PSME4: variants seen among roughly 807,000 people sequenced by gnomAD.
PSME4 encodes proteasome activator subunit 4.
Under a neutral mutation model 253.9 loss-of-function variants are expected in PSME4, and 89 were observed. The ratio of observed to expected loss-of-function variants is 0.35; its 90% CI spans 0.30 to 0.42. The LOEUF (loss-of-function observed/expected upper bound fraction) is 0.42. Ranked by LOEUF, PSME4 falls within the 10% of genes least tolerant of loss-of-function variation. The probability of loss-of-function intolerance (pLI) is 1.00; values close to 1 mark genes in which losing one functional copy is unlikely to be tolerated. For missense variants in PSME4, 2,014 were observed against 2,195.2 expected, an observed-to-expected ratio of 0.92 and a Z score of 1.65; for synonymous variants, 851 against 759.2, an observed-to-expected ratio of 1.12 and a Z score of -1.99.
chr2:53,946,142 A>G (rs1669687900), intron 3 of PSME4, among the ~76,000 whole-genome samples: 1 of 152,234 alleles, frequency 6.6e-6, no homozygotes, highest in African/African-American at 2.4e-5. Context: ...GGAAAGCCAT[A>G]GATACTTATT....
intron 13 of PSME4, 122 bp from the exon 14 acceptor site, chr2:53,925,811 G>C (rs1668532262): frequency 2.4e-6 from 3 of 1,264,496 alleles, no homozygotes; most frequent in Non-Finnish European, 3.4e-6. Flanking sequence ...TTTCTACGTG[G>C]TTCACAAATC....
chr2:53,883,495 G>A (rs1679490911), intron 41 of PSME4, among the ~76,000 whole-genome samples: 1 of 152,146 alleles, frequency 6.6e-6, no homozygotes, highest in Admixed American at 6.6e-5. Context: ...AAGCGGTGGG[G>A]GGGTGCGGGG....
intron 41 of PSME4, among the ~76,000 whole-genome samples, chr2:53,877,382 T>C (rs984749370): frequency 2.0e-5 from 3 of 151,836 alleles, no homozygotes; most frequent in African/African-American, 7.3e-5. Flanking sequence ...CACTGCACTC[T>C]AGCCAGGGTG....
chr2:53,893,491 C>G (rs375350997), intron 35 of PSME4, among the ~76,000 whole-genome samples, 183 bp downstream of exon 35: 1 of 152,128 alleles, frequency 6.6e-6, no homozygotes, highest in Non-Finnish European at 1.5e-5. Flanking sequence ...TATGTCAATA[C>G]TGGTTGTAAT....
At chr2:53,944,959 C>T (rs1309907165) in intron 3 of PSME4, among the ~76,000 whole-genome samples, 1 of 151,900 alleles carries the variant, frequency 6.6e-6, no homozygotes, top group African/African-American at 2.4e-5. Context: ...TAGAACAATA[C>T]ATGTAAAAGA....
At chr2:53,914,943 G>C (rs917567249) in intron 20 of PSME4, among the ~76,000 whole-genome samples, 1 of 152,178 alleles carries the variant, frequency 6.6e-6, no homozygotes, top group Non-Finnish European at 1.5e-5. Flanking sequence ...CATCCCCAAA[G>C]TGGATACCAT....
At chr2:53,946,468 A>G (rs975528754) in intron 3 of PSME4, among the ~76,000 whole-genome samples, 1 of 152,266 alleles carries the variant, frequency 6.6e-6, no homozygotes, top group Non-Finnish European at 1.5e-5. Context: ...TGGTGAAGCC[A>G]GTAAGAAATT....
At position 53,932,943 on chromosome 2, in the gene PSME4, C is replaced by G. The variant is rs1668910416; in HGVS notation, c.958-183G>C. ...CTGATGAACTTCATGCAAACCAACT[C>G]AAAATATTCTACTGCAAATAAGGGC... On this transcript the variant is annotated intron_variant, in intron 8 of 46. Coordinates refer to ENST00000404125, the MANE Select transcript of PSME4 (RefSeq NM_014614.3). The G allele has an allele frequency of 5.5e-6, 3 of 541,186 alleles. No individual in the cohort carries two copies. The East Asian group carries it at 8.6e-5, about 15-fold the overall frequency. The allele number at this position is 541,186 out of a possible 1,614,324, so 33.5% of individuals were successfully genotyped here. A position where few individuals can be genotyped will look rare whatever the true frequency, so the allele number is the denominator to read the frequency against.
intron 1 of PSME4, among the ~76,000 whole-genome samples, chr2:53,965,961 C>T (rs1670715577): frequency 6.6e-6 from 1 of 152,130 alleles, no homozygotes; most frequent in Non-Finnish European, 1.5e-5. Context: ...CGTGAGCCGC[C>T]ACGCCCAGCC....
At chr2:53,967,376 G>C (rs772363736) in intron 1 of PSME4, among the ~76,000 whole-genome samples, 1 of 151,912 alleles carries the variant, frequency 6.6e-6, no homozygotes, top group Non-Finnish European at 1.5e-5. Context: ...AAGAAGGCTG[G>C]GGCGGTGGCT....
chr2:53,923,301 G>A lies in PSME4; in HGVS notation c.1908+20C>T, dbSNP rs190660541. 1.9e-6 allele frequency: 3 copies of A among 1,586,376 alleles called. No individual in the cohort carries two copies. The highest frequency in any genetic ancestry group is 1.2e-5 in the South Asian group (1 of 85,060). The stretch of plus-strand genomic sequence containing the variant: ...TGATTGTTGAGTCATTAATACATCA[G>A]TTCAAAAAAATAAACTCACCTTTAC... On this transcript the variant is annotated intron_variant, in intron 15 of 46. Coordinates refer to ENST00000404125, the MANE Select transcript of PSME4 (RefSeq NM_014614.3).
At chr2:53,894,428 C>G (rs577270435) in intron 34 of PSME4, among the ~76,000 whole-genome samples, 16 of 151,590 alleles carry the variant, frequency 1.1e-4, no homozygotes, top group African/African-American at 3.7e-4. Flanking sequence ...TGCACCACTA[C>G]GCCCAGCTGA....
intron 10 of PSME4, among the ~76,000 whole-genome samples, chr2:53,930,019 A>AAATAAATAAAT (rs1668749411): frequency 1.3e-5 from 2 of 151,672 alleles, no homozygotes; most frequent in South Asian, 4.1e-4. Flanking sequence ...GTCTGTCTCT[A>AAATAAATAAAT]AATAAATAAA....
At chr2:53,886,329 A>G (rs1307050370) in intron 40 of PSME4, among the ~76,000 whole-genome samples, 1 of 152,200 alleles carries the variant, frequency 6.6e-6, no homozygotes, top group African/African-American at 2.4e-5. Context: ...GGATCTCTTG[A>G]GCCCCGGAGA....
rs757300804 is a variant in PSME4, at chr2:53,873,420, TGTGA to T, written c.5100+915_5100+918del. ...CAATACCAATAAGTATATAAAATAC[TGTGA>T]GTACTTTACTACAAGACAAAACTAT... is the stretch of plus-strand genomic sequence containing the variant. On this transcript the variant is annotated intron_variant, in intron 43 of 46. Transcript: ENST00000404125. Among the ~76,000 whole-genome samples, 16 of 152,262 alleles carry T rather than the reference TGTGA, an allele frequency of 1.1e-4. No homozygotes were observed. In the South Asian group the frequency reaches 2.7e-3, roughly 26 times the overall value.
rs746209946 is a variant in PSME4, at chr2:53,938,311, G to A, written c.546-771C>T. On this transcript the variant is annotated intron_variant, in intron 4 of 46. Coordinates refer to ENST00000404125, the MANE Select transcript of PSME4 (RefSeq NM_014614.3). ...TGGAACACAGAGTCCTCCCCTATACGAGAAGACTAGATGATCTGGTCTACA... is the reference window on the plus strand; with the variant it reads ...TGGAACACAGAGTCCTCCCCTATACAAGAAGACTAGATGATCTGGTCTACA... Among the ~76,000 whole-genome samples, 4 of 152,204 alleles carry A rather than the reference G, an allele frequency of 2.6e-5. No homozygotes were observed. The East Asian group carries it at 5.8e-4, about 22-fold the overall frequency.
At chr2:53,875,486 G>T in intron 42 of PSME4, 141 bp downstream of exon 42, 1 of 761,404 alleles carries the variant, frequency 1.3e-6, no homozygotes, top group Non-Finnish European at 1.9e-6. Context: ...TGTTTCTTTG[G>T]TCAATATATA....
At chr2:53,884,728 A>C (rs1327886201) in intron 41 of PSME4, among the ~76,000 whole-genome samples, 1 of 152,208 alleles carries the variant, frequency 6.6e-6, no homozygotes, top group Non-Finnish European at 1.5e-5. Context: ...AGTACTAGGC[A>C]GACAAAGCCT....
At chr2:53,962,400 C>CA (rs113383017) in intron 1 of PSME4, among the ~76,000 whole-genome samples, 1,926 of 51,966 alleles carry the variant, frequency 0.037, 26 homozygotes, top group African/African-American at 0.082. Flanking sequence ...ACAAGCTTGC[C>CA]AAAAAAAAAA....
Sources: gnomAD v4.1 joint callset for allele counts (sites outside exome capture counted in the v4.1 genomes callset) on GRCh38, gnomAD v4.1.1 for gene constraint, MANE v1.5 for transcripts, NCBI Gene and HGNC (gene_info 2026-07-23, HGNC 2026-07-21) for gene names.